FBXL17: variants seen among roughly 807,000 people sequenced by gnomAD.
FBXL17 encodes F-box/LRR-repeat protein 17.
Under a neutral mutation model 66.2 loss-of-function variants are expected in FBXL17, and 22 were observed. That is an observed-to-expected ratio of 0.33 (90% CI 0.24 to 0.47). FBXL17 has a LOEUF of 0.47. Ranked by LOEUF, FBXL17 falls within the 20% of genes least tolerant of loss-of-function variation. The pLI is 1.00. For synonymous variants in FBXL17, 474 were observed against 400.5 expected (o/e 1.18, Z -2.19); for missense variants, 878 against 948.2 (o/e 0.93, Z 0.97).
chr5:107,988,294 T>G (rs1242332515), intron 7 of FBXL17, among the ~76,000 whole-genome samples: 4 of 152,030 alleles, frequency 2.6e-5, no homozygotes, highest in Non-Finnish European at 5.9e-5. Flanking sequence ...CCACTTTTTT[T>G]CTACTGCAGA....
intron 6 of FBXL17, among the ~76,000 whole-genome samples, chr5:108,179,269 A>G (rs1350385416): frequency 6.6e-6 from 1 of 152,202 alleles, no homozygotes; most frequent in Non-Finnish European, 1.5e-5. Context: ...GAAGAAACAG[A>G]ATAAACATCC....
At chr5:107,913,759 G>T (rs912407237) in intron 7 of FBXL17, among the ~76,000 whole-genome samples, 2 of 152,110 alleles carry the variant, frequency 1.3e-5, no homozygotes, top group African/African-American at 4.8e-5. Context: ...GATGCTATCT[G>T]CTCAGGGCAA....
chr5:108,284,112 G>A (rs923062544), intron 4 of FBXL17, among the ~76,000 whole-genome samples: 1 of 151,726 alleles, frequency 6.6e-6, no homozygotes, highest in Non-Finnish European at 1.5e-5. Flanking sequence ...ACAACCTCTA[G>A]GGAAACAGTA....
intron 6 of FBXL17, among the ~76,000 whole-genome samples, chr5:108,170,234 T>G (rs1302559559): frequency 6.6e-6 from 1 of 152,048 alleles, no homozygotes; most frequent in Admixed American, 6.5e-5. Context: ...CAAATGAAAA[T>G]AGCTCTCAAA....
intron 6 of FBXL17, among the ~76,000 whole-genome samples, chr5:108,172,459 C>A (rs1180371360): frequency 6.6e-6 from 1 of 152,106 alleles, no homozygotes; most frequent in African/African-American, 2.4e-5. Flanking sequence ...AAAAATACAG[C>A]CAGAAATTGT....
chr5:108,261,188 T>C (rs1756805346), intron 4 of FBXL17, among the ~76,000 whole-genome samples: 2 of 150,988 alleles, frequency 1.3e-5, no homozygotes. Flanking sequence ...TAAAACAACA[T>C]GAAAGAAAAG....
At chr5:108,360,664 A>T (rs192228044) in intron 3 of FBXL17, among the ~76,000 whole-genome samples, 3 of 152,194 alleles carry the variant, frequency 2.0e-5, no homozygotes, top group Admixed American at 1.3e-4. Flanking sequence ...TATTTCTGCA[A>T]ATATTCTTCC....
At chr5:108,166,878 C>T (rs1752434891) in intron 6 of FBXL17, among the ~76,000 whole-genome samples, 1 of 152,162 alleles carries the variant, frequency 6.6e-6, no homozygotes, top group Non-Finnish European at 1.5e-5. Flanking sequence ...TTGAATTTCA[C>T]TGAATCTCCT....
chr5:107,935,122 T>C (rs567935827), intron 7 of FBXL17, among the ~76,000 whole-genome samples: 1 of 152,222 alleles, frequency 6.6e-6, no homozygotes, highest in East Asian at 1.9e-4. Context: ...GAAGTCATAT[T>C]TTATGTATTA....
intron 7 of FBXL17, among the ~76,000 whole-genome samples, chr5:108,014,690 T>C (rs1294938456): frequency 6.6e-6 from 1 of 152,184 alleles, no homozygotes; most frequent in African/African-American, 2.4e-5. Context: ...AGATTAATAA[T>C]TAAATACCAA....
At chr5:107,911,618 C>T (rs750208454) in intron 7 of FBXL17, among the ~76,000 whole-genome samples, 16 of 152,040 alleles carry the variant, frequency 1.1e-4, no homozygotes, top group Non-Finnish European at 1.5e-4. Flanking sequence ...TTGTTCCAGA[C>T]CTCACAGTCA....
rs547192092 is a variant in FBXL17, at chr5:108,364,684, G to C, written c.1374+54C>G. ...GTAACCATTTAAAATGTTGTTGCTA[G>C]AAAACATTTTTAATTAATTCAAGTA... On this transcript the variant is annotated intron_variant, in intron 3 of 8. Transcript: ENST00000542267. 3.2e-4 allele frequency: 450 copies of C among 1,408,096 alleles called. 7 individuals carry two copies. In the South Asian group the frequency reaches 5.5e-3, roughly 17 times the overall value. The allele number at this position is 1,408,096 out of a possible 1,614,324, so 87.2% of individuals were successfully genotyped here.
At chr5:107,943,463 G>A (rs1462568770) in intron 7 of FBXL17, among the ~76,000 whole-genome samples, 1 of 151,566 alleles carries the variant, frequency 6.6e-6, no homozygotes, top group African/African-American at 2.4e-5. Flanking sequence ...CCAGAGCAGT[G>A]TTGCCAAATT....
chr5:107,871,342 G>A (rs1246286436), intron 8 of FBXL17, among the ~76,000 whole-genome samples: 1 of 152,214 alleles, frequency 6.6e-6, no homozygotes, highest in African/African-American at 2.4e-5. Flanking sequence ...AAGCAGCAAA[G>A]AACTTGGGAG....
intron 4 of FBXL17, among the ~76,000 whole-genome samples, chr5:108,346,668 CTAT>C (rs1747302926): frequency 6.6e-6 from 1 of 152,084 alleles, no homozygotes; most frequent in South Asian, 2.1e-4. Context: ...ATAAAAACTA[CTAT>C]GTTTTACATA....
intron 4 of FBXL17, among the ~76,000 whole-genome samples, chr5:108,239,987 G>A (rs1755782152): frequency 6.6e-6 from 1 of 151,986 alleles, no homozygotes; most frequent in African/African-American, 2.4e-5. Flanking sequence ...TTGAAGGGAA[G>A]GACCTTGGCC....
At chr5:108,225,192 T>C (rs893598343) in intron 4 of FBXL17, among the ~76,000 whole-genome samples, 4 of 152,294 alleles carry the variant, frequency 2.6e-5, no homozygotes, top group South Asian at 4.1e-4. Context: ...ACTGGCTTCT[T>C]TCACTTAGCA....
intron 6 of FBXL17, among the ~76,000 whole-genome samples, chr5:108,135,099 G>C (rs1302582822): frequency 1.3e-5 from 2 of 152,134 alleles, no homozygotes; most frequent in Admixed American, 6.6e-5. Flanking sequence ...CTTTGAAGAA[G>C]GGATCTGGGG....
At chr5:108,288,623 T>C (rs934438322) in intron 4 of FBXL17, among the ~76,000 whole-genome samples, 2 of 151,552 alleles carry the variant, frequency 1.3e-5, no homozygotes, top group Non-Finnish European at 2.9e-5. Flanking sequence ...AAACAGAAAA[T>C]GATGGAAGGG....
Sources: gnomAD v4.1 joint callset for allele counts (sites outside exome capture counted in the v4.1 genomes callset) on GRCh38, gnomAD v4.1.1 for gene constraint, MANE v1.5 for transcripts, NCBI Gene and HGNC (gene_info 2026-07-23, HGNC 2026-07-21) for gene names.